ABCC11: variants seen among roughly 807,000 people sequenced by gnomAD.
ABCC11 encodes ATP-binding cassette sub-family C member 11.
ABCC11 carries 135 observed loss-of-function variants against 149.3 expected under a neutral mutation model. The ratio of observed to expected loss-of-function variants is 0.90; its 90% CI spans 0.79 to 1.04. ABCC11 has a LOEUF of 1.04. Among genes scored for constraint, ABCC11 ranks in the 50% least tolerant of loss-of-function variants. The pLI, the probability that ABCC11 is intolerant of heterozygous loss-of-function variation, is 0.00. For missense variants in ABCC11, 1,680 were observed against 1,722.1 expected (o/e 0.98, Z 0.43); for synonymous variants, 665 against 671.4 (o/e 0.99, Z 0.15).
intron 6 of ABCC11, among the ~76,000 whole-genome samples, chr16:48,218,163 G>T (rs1400134702): frequency 6.6e-6 from 1 of 152,130 alleles, no homozygotes; most frequent in Non-Finnish European, 1.5e-5. Flanking sequence ...AAGCATGGTG[G>T]TGTGTGCCTG....
Position 48,247,384 on chromosome 16 carries a change from A to C in ABCC11, c.-89T>G, listed in dbSNP as rs1231498554. ...TCCTTTCTCTTGTTTCCTTTGCGCT[A>C]TCCAGGTGACGCTGGCACAGCCTTC... On this transcript the variant is annotated 5_prime_UTR_variant, in exon 1 of 30. Transcript: ENST00000356608. 3.3e-5 allele frequency: 5 copies of C among 152,392 alleles called. No individual in the cohort carries two copies. The highest frequency in any genetic ancestry group is 4.4e-5 in the Non-Finnish European group (3 of 68,232). 9.4% of individuals were successfully genotyped at this position (152,392 alleles called of 1,614,324 possible).
chr16:48,214,188 G>A (rs1320989838), intron 9 of ABCC11, among the ~76,000 whole-genome samples: 1 of 151,980 alleles, frequency 6.6e-6, no homozygotes, highest in African/African-American at 2.4e-5. Flanking sequence ...CCTTCGTCTA[G>A]ACCTGCCTTG....
intron 1 of ABCC11, among the ~76,000 whole-genome samples, chr16:48,241,091 C>T (rs1430063610): frequency 6.6e-6 from 1 of 152,116 alleles, no homozygotes; most frequent in Non-Finnish European, 1.5e-5. Flanking sequence ...CGCACCACCA[C>T]ACCTGGCTAA....
intron 1 of ABCC11, among the ~76,000 whole-genome samples, chr16:48,237,210 G>A (rs1321798769): frequency 6.6e-6 from 1 of 152,050 alleles, no homozygotes; most frequent in Non-Finnish European, 1.5e-5. Flanking sequence ...TGGGAATCTG[G>A]GCCACATATG....
At chr16:48,235,460 C>T (rs1046623397) in intron 1 of ABCC11, among the ~76,000 whole-genome samples, 8 of 152,284 alleles carry the variant, frequency 5.3e-5, no homozygotes, top group East Asian at 3.9e-4. Context: ...TGAAACCCAA[C>T]GAAAATTAAG....
Position 48,178,622 on chromosome 16 carries a change from A to G in ABCC11, c.3323T>C (p.Val1108Ala), listed in dbSNP as rs1482041811. Residue 1108 changes from valine (V) to alanine (A), a missense_variant, in exon 24 of 30, where the codon GTA becomes GCA. Val to Ala is a moderately conservative substitution (Grantham distance 64). Coordinates refer to ENST00000356608, the MANE Select transcript of ABCC11 (RefSeq NM_001370497.1). The stretch of plus-strand genomic sequence containing the variant: ...CTTCATGTACTGCAGTATCCTCTCT[A>G]CAGCCGTGAACTGTGCCTCTGTCTC... ...GLETEAQFTA[V>A]ERILQYMKMC... The G allele has an allele frequency of 2.5e-6, 4 of 1,613,914 alleles. No homozygotes were observed. Among genetic ancestry groups the G allele is most frequent in the Admixed American group, 3.3e-5 (2 of 59,986 alleles).
At chr16:48,204,314 G>A (rs576884833) in intron 13 of ABCC11, among the ~76,000 whole-genome samples, 6 of 152,290 alleles carry the variant, frequency 3.9e-5, no homozygotes, top group African/African-American at 4.8e-5. Flanking sequence ...AATCTTACGC[G>A]GGGTGGAACA....
At chr16:48,211,226 A>T in intron 10 of ABCC11, 27 bp from the exon 11 acceptor site, 1 of 1,609,250 alleles carries the variant, frequency 6.2e-7, no homozygotes, top group Non-Finnish European at 8.5e-7. Context: ...AAATAGAGGG[A>T]GGAGGAATAC....
At chr16:48,214,791 T>G in intron 9 of ABCC11, 90 bp downstream of exon 9, 2 of 1,527,046 alleles carry the variant, frequency 1.3e-6, no homozygotes, top group Non-Finnish European at 1.8e-6. Flanking sequence ...TTACAAAGCC[T>G]TCAGACCTTT....
intron 23 of ABCC11, among the ~76,000 whole-genome samples, chr16:48,182,727 G>A (rs1454415373): frequency 1.3e-5 from 2 of 150,584 alleles, no homozygotes; most frequent in Admixed American, 1.3e-4. Flanking sequence ...AGCTTGCAGT[G>A]AGCCGAGATC....
chr16:48,218,745 T>C (rs1182049328), intron 6 of ABCC11, among the ~76,000 whole-genome samples: 1 of 152,206 alleles, frequency 6.6e-6, no homozygotes, highest in Non-Finnish European at 1.5e-5. Flanking sequence ...GTCTCCCTTG[T>C]CTGCCACCAT....
In ABCC11 at chr16:48,200,279, C is replaced by T; in HGVS notation, c.2079G>A (p.Leu693=). The change falls in exon 15 of 30, where the codon CTG becomes CTA. Residue 693 remains leucine (L), a synonymous_variant. Transcript: ENST00000356608. ...AGAGCCCTGGAAGGGTGCTAACCTG[C>T]AGCTGGTGGGTCACCAGGACGACCG... ...GKTVVLVTHQ[L]QYLEFCGQII... 1.2e-6 allele frequency: 2 copies of T among 1,613,992 alleles called. No homozygotes were observed. Among genetic ancestry groups the T allele is most frequent in the East Asian group, 2.2e-5 (1 of 44,892 alleles).
chr16:48,242,527 C>G (rs139817846), intron 1 of ABCC11, among the ~76,000 whole-genome samples: 1 of 152,086 alleles, frequency 6.6e-6, no homozygotes, highest in Non-Finnish European at 1.5e-5. Context: ...ACCATTTGAC[C>G]CAGCCATCCC....
At chr16:48,233,124 C>T (rs1041576237) in intron 1 of ABCC11, among the ~76,000 whole-genome samples, 1 of 152,134 alleles carries the variant, frequency 6.6e-6, no homozygotes, top group Non-Finnish European at 1.5e-5. Context: ...TAACTTGATC[C>T]TGGAAGGTGG....
At chr16:48,245,877 C>A (rs1024426424) in intron 1 of ABCC11, among the ~76,000 whole-genome samples, 4 of 152,062 alleles carry the variant, frequency 2.6e-5, no homozygotes, top group African/African-American at 9.7e-5. Flanking sequence ...TTCAAACTCA[C>A]CTGCCAAGCA....
intron 12 of ABCC11, 82 bp downstream of exon 12, chr16:48,208,343 G>C (rs915270798): frequency 2.6e-6 from 4 of 1,516,542 alleles, no homozygotes; most frequent in Non-Finnish European, 3.6e-6. Context: ...GAAAGCAGTG[G>C]GGGGCCCCGC....
intron 6 of ABCC11, among the ~76,000 whole-genome samples, chr16:48,219,464 T>G (rs1253081729): frequency 2.0e-5 from 3 of 152,084 alleles, no homozygotes; most frequent in Admixed American, 2.0e-4. Flanking sequence ...AGCCATCCTG[T>G]CCAGTCAAAT....
Position 48,167,196 on chromosome 16 carries a change from C to T in ABCC11, c.*78G>A, listed in dbSNP as rs544508161. On this transcript the variant is annotated 3_prime_UTR_variant, in exon 30 of 30. Transcript: ENST00000356608. ...TTCTCATCTCCAAACAAGAAGGTCG[C>T]AGACTGTGGGCCTCGAAGCTGCACC... 1 of 743,184 alleles carries T rather than the reference C, an allele frequency of 1.3e-6. No homozygotes were observed. Among genetic ancestry groups the T allele is most frequent in the South Asian group, 1.4e-5 (1 of 71,868 alleles). The allele number at this position is 743,184 out of a possible 1,614,324, so 46.0% of individuals were successfully genotyped here.
Position 48,211,182 on chromosome 16 carries a change from C to G in ABCC11, c.1374G>C (p.Glu458Asp), listed in dbSNP as rs760113131. The change falls in exon 11 of 30, where the codon GAG becomes GAC. Residue 458 changes from glutamate to aspartate, a missense_variant. Physicochemically the swap from Glu to Asp is conservative, Grantham distance 45. Coordinates refer to ENST00000356608, the MANE Select transcript of ABCC11 (RefSeq NM_001370497.1). ...ATGTCTGGACATAGAAAACAGGGCTCTCCTGGAGGAAAAACTTCTGTAAAG... is the reference window on the plus strand; with the variant it reads ...ATGTCTGGACATAGAAAACAGGGCTGTCCTGGAGGAAAAACTTCTGTAAAG... ...VMRFKKFFLQ[E>D]SPVFYVQTLQ... 2.6e-5 allele frequency: 42 copies of G among 1,613,828 alleles called. No individual in the cohort carries two copies. The highest frequency in any genetic ancestry group is 3.5e-5 in the Non-Finnish European group (41 of 1,179,986).
Sources: gnomAD v4.1 joint callset for allele counts (sites outside exome capture counted in the v4.1 genomes callset) on GRCh38, gnomAD v4.1.1 for gene constraint, MANE v1.5 for transcripts, NCBI Gene and HGNC (gene_info 2026-07-23, HGNC 2026-07-21) for gene names.